The following BCHE variants were observed in gnomAD, a reference collection of about 807,000 sequenced individuals.
BCHE encodes cholinesterase.
Under a neutral mutation model 51.3 loss-of-function variants are expected in BCHE, and 48 were observed. That is an observed-to-expected ratio of 0.94 (90% CI 0.74 to 1.19). The LOEUF (loss-of-function observed/expected upper bound fraction) is 1.19, where lower values mean the gene tolerates loss of function less well. Among genes scored for constraint, BCHE ranks in the 50% most tolerant of loss-of-function variants. The pLI is 0.00. For synonymous variants in BCHE, 251 were observed against 238.0 expected (o/e 1.05, Z -0.50); for missense variants, 847 against 708.2 (o/e 1.20, Z -2.23).
chr3:165,786,221 T>C lies in BCHE; in HGVS notation c.1608A>G (p.Thr536=). 2.5e-6 allele frequency: 4 copies of C among 1,612,364 alleles called. No individual in the cohort carries two copies. The highest frequency in any genetic ancestry group is 8.5e-7 in the Non-Finnish European group (1 of 1,178,786). Residue 536 remains threonine (T), a synonymous_variant, in exon 3 of 4, where the codon ACA becomes ACG. Transcript: ENST00000264381. ...QKYLTLNTES[T]RIMTKLRAQQ... ...GAGCACGTAGTTTCGTCATTATTCTTGTTGACTCTGTATTCAAGGTTAGAT... is the reference window on the plus strand; with the variant it reads ...GAGCACGTAGTTTCGTCATTATTCTCGTTGACTCTGTATTCAAGGTTAGAT...
At chr3:165,794,953 T>C (rs1057462565) in intron 2 of BCHE, among the ~76,000 whole-genome samples, 2 of 152,198 alleles carry the variant, frequency 1.3e-5, no homozygotes, top group Non-Finnish European at 1.5e-5. Context: ...AAATCAGTCT[T>C]ATCTATTTTT....
At chr3:165,797,307 CCCTT>C (rs1327991004) in intron 2 of BCHE, among the ~76,000 whole-genome samples, 33 of 746 alleles carry the variant, frequency 0.044, no homozygotes, top group African/African-American at 0.064. Context: ...CTCCCTCCCC[CCCTT>C]CCTTCCTTCC....
At chr3:165,803,028 C>G (rs906858477) in intron 2 of BCHE, among the ~76,000 whole-genome samples, 1 of 151,980 alleles carries the variant, frequency 6.6e-6, no homozygotes, top group Non-Finnish European at 1.5e-5. Flanking sequence ...CGTGAGCCAC[C>G]GCTCCGGCCA....
chr3:165,786,773 A>G (rs1050230040), intron 2 of BCHE, among the ~76,000 whole-genome samples: 9 of 151,786 alleles, frequency 5.9e-5, no homozygotes, highest in Non-Finnish European at 1.0e-4. Flanking sequence ...AAGTTTAATT[A>G]CAAATCTTAT....
rs868606986 is a variant in BCHE at position 165,773,130 on chromosome 3, G to T, written c.*252C>A. 1.3e-4 allele frequency: 39 copies of T among 307,260 alleles called. No individual in the cohort carries two copies. The highest frequency in any genetic ancestry group is 7.4e-4 in the African/African-American group (34 of 46,018). The allele number at this position is 307,260 out of a possible 1,614,324, so 19.0% of individuals were successfully genotyped here. On this transcript the variant is annotated 3_prime_UTR_variant, in exon 4 of 4. Transcript: ENST00000264381. The stretch of plus-strand genomic sequence containing the variant: ...TAAGGAAAGAAAGAAATTGAACCAG[G>T]CCATTGTTTTAATATGCACATAATT...
At chr3:165,777,863 AAT>A in intron 3 of BCHE, 1 of 385,388 alleles carries the variant, frequency 2.6e-6, no homozygotes, top group Non-Finnish European at 5.3e-6. Context: ...ATAAGTAGTA[AAT>A]ATATTTTCTC....
At chr3:165,804,091 A>G (rs1429364212) in intron 2 of BCHE, among the ~76,000 whole-genome samples, 1 of 151,810 alleles carries the variant, frequency 6.6e-6, no homozygotes, top group Non-Finnish European at 1.5e-5. Context: ...CTGGGTTTCC[A>G]TGACTCCACT....
intron 2 of BCHE, among the ~76,000 whole-genome samples, chr3:165,813,658 C>T (rs962713869): frequency 5.9e-5 from 9 of 151,684 alleles, no homozygotes; most frequent in African/African-American, 1.4e-4. Context: ...TAAAAATAAA[C>T]GTATGAGTTA....
chr3:165,797,771 T>G (rs1207785930), intron 2 of BCHE, among the ~76,000 whole-genome samples: 1 of 152,164 alleles, frequency 6.6e-6, no homozygotes. Flanking sequence ...GCCCACAGTT[T>G]CAGGGATGAG....
At chr3:165,821,121 AG>A (rs1305784589) in intron 2 of BCHE, among the ~76,000 whole-genome samples, 1 of 152,004 alleles carries the variant, frequency 6.6e-6, no homozygotes, top group African/African-American at 2.4e-5. Context: ...TCATTGTGAT[AG>A]TACACTGTTC....
At chr3:165,831,129 G>T in intron 1 of BCHE, 88 bp from the exon 2 acceptor site, 1 of 1,164,278 alleles carries the variant, frequency 8.6e-7, no homozygotes, top group East Asian at 2.6e-5. Flanking sequence ...AAATATAGTC[G>T]TTAGTAATTC....
At chr3:165,807,731 G>T (rs1171090101) in intron 2 of BCHE, among the ~76,000 whole-genome samples, 2 of 149,046 alleles carry the variant, frequency 1.3e-5, no homozygotes, top group Admixed American at 6.7e-5. Flanking sequence ...TTTTTTTTTT[G>T]TACAATATTT....
At chr3:165,773,612 C>A in intron 3 of BCHE, 106 bp from the exon 4 acceptor site, 1 of 841,918 alleles carries the variant, frequency 1.2e-6, no homozygotes, top group South Asian at 1.9e-5. Flanking sequence ...CACAGTACAG[C>A]ATTATTTTCT....
At chr3:165,828,006 A>C in intron 2 of BCHE, 1 of 456,006 alleles carries the variant, frequency 2.2e-6, no homozygotes. Context: ...ACTTCAATGA[A>C]TATCAAATCA....
chr3:165,811,584 A>G (rs1207866964), intron 2 of BCHE, among the ~76,000 whole-genome samples: 1 of 152,092 alleles, frequency 6.6e-6, no homozygotes, highest in Non-Finnish European at 1.5e-5. Context: ...ACTGACAAAA[A>G]TTGATTTGCT....
intron 2 of BCHE, among the ~76,000 whole-genome samples, chr3:165,824,451 G>A (rs1163071067): frequency 6.6e-6 from 1 of 151,918 alleles, no homozygotes; most frequent in Non-Finnish European, 1.5e-5. Flanking sequence ...AGTTAATATA[G>A]ACAATACCAA....
intron 3 of BCHE, among the ~76,000 whole-genome samples, chr3:165,783,569 T>C (rs1200347008): frequency 6.6e-6 from 1 of 152,106 alleles, no homozygotes; most frequent in East Asian, 1.9e-4. Flanking sequence ...TCAAAGGGTA[T>C]TTTGGCCCTT....
rs1458911710 is a variant in BCHE at position 165,837,325 on chromosome 3, C to A, written c.-20G>T. 2.3e-6 allele frequency: 3 copies of A among 1,289,446 alleles called. No homozygotes were observed. The highest frequency in any genetic ancestry group is 2.0e-6 in the Non-Finnish European group (2 of 988,686). 79.9% of individuals were successfully genotyped at this position (1,289,446 alleles called of 1,614,324 possible). A position where few individuals can be genotyped will look rare whatever the true frequency, so the allele number is the denominator to read the frequency against. On this transcript the variant is annotated 5_prime_UTR_variant, in exon 1 of 4. Transcript: ENST00000264381. ...TCAGAGCAACTTACCCGATTCTCTG[C>A]AACAAAGATGGCAAAGTTTGCAAGG...
At position 165,776,778 on chromosome 3, in the gene BCHE, C is replaced by T. The variant is rs150778849; in HGVS notation, c.1685-3272G>A. 7.2e-3 allele frequency among the ~76,000 whole-genome samples: 1,086 copies of T among 151,418 alleles called. 6 individuals carry two copies. The highest frequency in any genetic ancestry group is 0.012 in the South Asian group (59 of 4,808). ...TTATATTTTATAAAGAAAAATGAAT[C>T]GATTGACCTTTCCAGATTCTTATGT... is the stretch of plus-strand genomic sequence containing the variant. On this transcript the variant is annotated intron_variant, in intron 3 of 3. Coordinates refer to ENST00000264381, the MANE Select transcript of BCHE (RefSeq NM_000055.4).
Sources: allele counts gnomAD v4.1 joint callset (sites outside exome capture counted in the v4.1 genomes callset), GRCh38; gene constraint gnomAD v4.1.1; transcripts MANE v1.5; gene names NCBI Gene and HGNC (gene_info 2026-07-23, HGNC 2026-07-21).